The following ANKRD31 variants were observed in gnomAD, a reference collection of about 807,000 sequenced individuals.
The protein encoded by ANKRD31 is ankyrin repeat domain-containing protein 31.
In ANKRD31, 147 loss-of-function variants were observed where a neutral mutation model predicts 186.0. The observed-to-expected ratio is 0.79, with a 90% confidence interval of 0.69 to 0.91. The LOEUF (loss-of-function observed/expected upper bound fraction) is 0.91. ANKRD31 is among the 40% of genes least tolerant of loss of function. ANKRD31 has a pLI of 0.00. For missense variants in ANKRD31, 1,986 were observed against 2,148.8 expected, an observed-to-expected ratio of 0.92 and a Z score of 1.50; for synonymous variants, 673 against 736.4, an observed-to-expected ratio of 0.91 and a Z score of 1.39.
chr5:75,203,415 G>C (rs552612329), intron 5 of ANKRD31, among the ~76,000 whole-genome samples: 1 of 152,230 alleles, frequency 6.6e-6, no homozygotes, highest in South Asian at 2.1e-4. Context: ...TGTAATCCCA[G>C]CACTTTGGGA....
chr5:75,159,420 T>C (rs1181049299), intron 11 of ANKRD31, among the ~76,000 whole-genome samples: 2 of 152,032 alleles, frequency 1.3e-5, no homozygotes, highest in Non-Finnish European at 2.9e-5. Flanking sequence ...ACAAAAGGGA[T>C]ATATATCTAG....
At chr5:75,213,645 CCT>C (rs758708709) in intron 3 of ANKRD31, among the ~76,000 whole-genome samples, 14 of 152,090 alleles carry the variant, frequency 9.2e-5, no homozygotes, top group African/African-American at 1.2e-4. Flanking sequence ...TGAACCTTCC[CCT>C]GTCTTTACCC....
intron 10 of ANKRD31, among the ~76,000 whole-genome samples, chr5:75,178,319 G>A (rs996844694): frequency 2.0e-4 from 30 of 152,172 alleles, no homozygotes; most frequent in Non-Finnish European, 7.4e-5. Flanking sequence ...ACATTAGACA[G>A]ATCAATGAGA....
chr5:75,111,406 T>A (rs2035192), intron 20 of ANKRD31, among the ~76,000 whole-genome samples: 77,219 of 152,030 alleles, frequency 0.51, 22,669 homozygotes, highest in African/African-American at 0.82. Flanking sequence ...CTAACTGTAC[T>A]TTTTTGTTTG....
chr5:75,121,152 C>A, intron 17 of ANKRD31, among the ~76,000 whole-genome samples: 2 of 148,990 alleles, frequency 1.3e-5, no homozygotes, highest in Non-Finnish European at 1.5e-5. Flanking sequence ...CACTACACTC[C>A]AGCCTGCTGA....
intron 17 of ANKRD31, among the ~76,000 whole-genome samples, chr5:75,126,216 T>A (rs1749243769): frequency 6.6e-6 from 1 of 152,090 alleles, no homozygotes; most frequent in Admixed American, 6.6e-5. Flanking sequence ...CCAAGGTGGG[T>A]GGATCACCTG....
At chr5:75,093,054 A>AGATATTGATAC (rs1341268851) in intron 22 of ANKRD31, among the ~76,000 whole-genome samples, 8 of 152,222 alleles carry the variant, frequency 5.3e-5, no homozygotes, top group Non-Finnish European at 1.0e-4. Flanking sequence ...CAGAGTATGC[A>AGATATTGATAC]AGACAAAGAA....
intron 12 of ANKRD31, among the ~76,000 whole-genome samples, chr5:75,150,637 A>G (rs1751777297): frequency 6.6e-6 from 1 of 151,962 alleles, no homozygotes; most frequent in African/African-American, 2.4e-5. Flanking sequence ...TACATGAAAG[A>G]AATTTCATTG....
chr5:75,207,643 TA>T (rs2150280248), intron 4 of ANKRD31, among the ~76,000 whole-genome samples: 1 of 152,180 alleles, frequency 6.6e-6, no homozygotes, highest in East Asian at 1.9e-4. Flanking sequence ...ACTTAAAATT[TA>T]AAAACAGGAT....
chr5:75,103,617 A>T (rs1055372215), intron 22 of ANKRD31, among the ~76,000 whole-genome samples: 9 of 152,244 alleles, frequency 5.9e-5, no homozygotes, highest in Non-Finnish European at 1.0e-4. Flanking sequence ...CATTGATGAT[A>T]GACCAGATAA....
chr5:75,106,624 T>C (rs1228195177), intron 21 of ANKRD31, among the ~76,000 whole-genome samples: 1 of 151,952 alleles, frequency 6.6e-6, no homozygotes, highest in Admixed American at 6.6e-5. Flanking sequence ...CTCCAATTGA[T>C]CAGGAACTTT....
At chr5:75,172,018 C>G (rs970104278) in intron 10 of ANKRD31, among the ~76,000 whole-genome samples, 2 of 151,234 alleles carry the variant, frequency 1.3e-5, no homozygotes, top group African/African-American at 4.9e-5. Flanking sequence ...TTTTAAAATC[C>G]TTAACAAAAT....
chr5:75,085,045 T>A (rs1745375212), intron 23 of ANKRD31, among the ~76,000 whole-genome samples: 1 of 152,072 alleles, frequency 6.6e-6, no homozygotes, highest in Admixed American at 6.5e-5. Context: ...TTGAGGACAA[T>A]CTATTAACAT....
chr5:75,147,214 T>C lies in ANKRD31; in HGVS notation c.2197A>G (p.Thr733Ala). The C allele has an allele frequency of 1.3e-6, 2 of 1,536,378 alleles. No individual in the cohort carries two copies. Among genetic ancestry groups the C allele is most frequent in the Non-Finnish European group, 1.7e-6 (2 of 1,146,330 alleles). The change falls in exon 14 of 26, where the codon ACA becomes GCA. Residue 733 changes from threonine (T) to alanine (A), a missense_variant. Physicochemically the swap from Thr to Ala is moderately conservative, Grantham distance 58 (BLOSUM62 0). Coordinates refer to ENST00000506364, the MANE Select transcript of ANKRD31 (RefSeq NM_001372053.1). ...TCTACTTGGGTCCTTTTATGTTGTG[T>C]TTTTCTTCTTCCTATACCTTTTGGT... The part of the protein sequence containing the change: ...NVPKGIGRRK[T>A]QHKRTQVDDV...
chr5:75,168,897 T>G, intron 11 of ANKRD31, 82 bp downstream of exon 11: 1 of 1,290,750 alleles, frequency 7.7e-7, no homozygotes, highest in Non-Finnish European at 1.0e-6. Context: ...AATTTCTGTA[T>G]GTTTTTCTAT....
intron 19 of ANKRD31, among the ~76,000 whole-genome samples, chr5:75,115,712 C>T (rs999335398): frequency 1.3e-5 from 2 of 151,868 alleles, no homozygotes; most frequent in East Asian, 1.9e-4. Flanking sequence ...CAATGAGATA[C>T]CATCTCACAC....
rs1452687706 is a variant in ANKRD31 at position 75,195,675 on chromosome 5, A to G, written c.973T>C (p.Phe325Leu). 3 of 1,536,188 alleles carry G rather than the reference A, an allele frequency of 2.0e-6. No homozygotes were observed. The highest frequency in any genetic ancestry group is 2.6e-6 in the Non-Finnish European group (3 of 1,146,450). ...TCTTCATTGGTCTGAGACGTATTGA[A>G]CTCCACTTCTAAACATTCATTTCTG... is the stretch of plus-strand genomic sequence containing the variant. Reference protein sequence around the residue: ...IARNECLEVEFNTSQTNEDCT... With the variant: ...IARNECLEVELNTSQTNEDCT... Residue 325 changes from phenylalanine to leucine, a missense_variant, in exon 7 of 26, where the codon TTC (phenylalanine) becomes CTC (leucine). Transcript: ENST00000506364.
chr5:75,205,260 T>A (rs991554199), intron 5 of ANKRD31, among the ~76,000 whole-genome samples: 2 of 152,232 alleles, frequency 1.3e-5, no homozygotes, highest in Non-Finnish European at 2.9e-5. Flanking sequence ...TATGAACTCA[T>A]GGTCTTTTCA....
At chr5:75,158,881 C>T (rs28376290) in intron 11 of ANKRD31, among the ~76,000 whole-genome samples, 77,163 of 151,846 alleles carry the variant, frequency 0.51, 22,650 homozygotes, top group African/African-American at 0.82. Context: ...AAAGCAGCCA[C>T]AGGAACTGCT....
Sources: gnomAD v4.1 joint callset for allele counts (sites outside exome capture counted in the v4.1 genomes callset) on GRCh38, gnomAD v4.1.1 for gene constraint, MANE v1.5 for transcripts, NCBI Gene and HGNC (gene_info 2026-07-23, HGNC 2026-07-21) for gene names.